Variants in GRID2 observed in about 807,000 individuals in gnomAD.
GRID2 encodes glutamate ionotropic receptor delta type subunit 2.
In GRID2, 33 loss-of-function variants were observed where a neutral mutation model predicts 114.8. The observed-to-expected ratio is 0.29, with a 90% CI of 0.22 to 0.38. GRID2 has a LOEUF of 0.38. Ranked by LOEUF, GRID2 falls within the 10% of genes least tolerant of loss-of-function variation. GRID2 has a pLI of 1.00. For missense variants in GRID2, 1,184 were observed against 1,257.7 expected (o/e 0.94, Z 0.89); for synonymous variants, 505 against 449.9 (o/e 1.12, Z -1.55).
chr4:93,355,012 A>G (rs1163128277), intron 8 of GRID2, among the ~76,000 whole-genome samples: 3 of 151,374 alleles, frequency 2.0e-5, no homozygotes, highest in Non-Finnish European at 4.4e-5. Flanking sequence ...AATCAGGACA[A>G]TTATTGTCAT....
At chr4:93,410,287 T>G (rs576275646) in intron 9 of GRID2, among the ~76,000 whole-genome samples, 2 of 152,328 alleles carry the variant, frequency 1.3e-5, no homozygotes, top group Non-Finnish European at 2.9e-5. Context: ...GCTCTGAATC[T>G]CCTTTATTCT....
chr4:93,792,983 G>A (rs1362207700), intron 1 of GRID2, among the ~76,000 whole-genome samples: 1 of 152,156 alleles, frequency 6.6e-6, no homozygotes, highest in African/African-American at 2.4e-5. Flanking sequence ...GTGAAACAAT[G>A]TACATGCAGT....
intron 4 of GRID2, among the ~76,000 whole-genome samples, chr4:93,145,059 C>T (rs1452737464): frequency 2.0e-5 from 3 of 152,134 alleles, no homozygotes; most frequent in African/African-American, 7.2e-5. Context: ...TTTTCTCTTC[C>T]CAGAATGCTT....
At chr4:93,133,111 T>G (rs540273892) in intron 4 of GRID2, among the ~76,000 whole-genome samples, 2 of 152,334 alleles carry the variant, frequency 1.3e-5, no homozygotes, top group Non-Finnish European at 2.9e-5. Context: ...TTCCATCAAC[T>G]ATAGCTTTTC....
chr4:93,712,116 A>G (rs1728539553), intron 14 of GRID2, among the ~76,000 whole-genome samples: 1 of 151,944 alleles, frequency 6.6e-6, no homozygotes, highest in Non-Finnish European at 1.5e-5. Flanking sequence ...TATTTACAAT[A>G]TTTTTTCACA....
At chr4:92,489,763 A>G (rs536311613) in intron 1 of GRID2, among the ~76,000 whole-genome samples, 1 of 151,600 alleles carries the variant, frequency 6.6e-6, no homozygotes, top group African/African-American at 2.4e-5. Context: ...GGAGAATCAC[A>G]TGAACCTGGG....
intron 2 of GRID2, among the ~76,000 whole-genome samples, chr4:92,926,157 C>T (rs2149513812): frequency 6.6e-6 from 1 of 151,820 alleles, no homozygotes; most frequent in East Asian, 1.9e-4. Flanking sequence ...TTAATTTTGC[C>T]CCTCAGGTAT....
At chr4:92,870,418 T>A (rs1361388086) in intron 2 of GRID2, among the ~76,000 whole-genome samples, 1 of 151,964 alleles carries the variant, frequency 6.6e-6, no homozygotes, top group East Asian at 1.9e-4. Context: ...TTACAGTATT[T>A]AGGTGTTTCA....
intron 9 of GRID2, among the ~76,000 whole-genome samples, chr4:93,410,462 T>G (rs573801898): frequency 3.3e-4 from 51 of 152,342 alleles, no homozygotes; most frequent in African/African-American, 1.2e-3. Flanking sequence ...ATGCATGCTT[T>G]CAGACCTTAC....
intron 2 of GRID2, among the ~76,000 whole-genome samples, chr4:92,620,902 C>A (rs1730240642): frequency 6.7e-6 from 1 of 149,896 alleles, no homozygotes; most frequent in Non-Finnish European, 1.5e-5. Context: ...TGTAACAAAC[C>A]TGCATATTGT....
chr4:93,603,791 G>C (rs1739934804), intron 13 of GRID2, among the ~76,000 whole-genome samples: 1 of 152,114 alleles, frequency 6.6e-6, no homozygotes, highest in Admixed American at 6.5e-5. Context: ...TACTCTGCCT[G>C]TGTTCTATAA....
chr4:92,472,757 T>A (rs947992620), intron 1 of GRID2, among the ~76,000 whole-genome samples: 5 of 152,142 alleles, frequency 3.3e-5, no homozygotes, highest in Non-Finnish European at 5.9e-5. Flanking sequence ...TTTGCCTGTC[T>A]TAAAATTGGG....
At chr4:92,999,858 A>C (rs1409418601) in intron 2 of GRID2, among the ~76,000 whole-genome samples, 1 of 151,640 alleles carries the variant, frequency 6.6e-6, no homozygotes, top group Non-Finnish European at 1.5e-5. Context: ...TTTTCATTAG[A>C]GATATATTTA....
intron 4 of GRID2, among the ~76,000 whole-genome samples, chr4:93,203,692 A>T (rs1742350567): frequency 6.6e-6 from 1 of 152,208 alleles, no homozygotes. Flanking sequence ...TAGTCTAACA[A>T]GTAGACCCAA....
chr4:92,739,782 T>C (rs928731818), intron 2 of GRID2, among the ~76,000 whole-genome samples: 1 of 152,188 alleles, frequency 6.6e-6, no homozygotes, highest in African/African-American at 2.4e-5. Flanking sequence ...AAAGTGTTTC[T>C]GATTCTTCCT....
chr4:93,056,929 C>G (rs558114910), intron 2 of GRID2, among the ~76,000 whole-genome samples: 1 of 151,808 alleles, frequency 6.6e-6, no homozygotes, highest in Non-Finnish European at 1.5e-5. Context: ...GTATCTGCCA[C>G]GAGGATCATT....
chr4:93,540,098 T>C (rs1368180007), intron 13 of GRID2, among the ~76,000 whole-genome samples: 1 of 151,834 alleles, frequency 6.6e-6, no homozygotes, highest in East Asian at 2.0e-4. Flanking sequence ...ATTTGTGTGA[T>C]TTTTTCCTTG....
intron 14 of GRID2, among the ~76,000 whole-genome samples, chr4:93,667,232 G>A (rs570432719): frequency 6.6e-6 from 1 of 152,114 alleles, no homozygotes; most frequent in South Asian, 2.1e-4. Context: ...ACTAGACTGG[G>A]AAACAAAAGG....
At chr4:93,224,089 C>T (rs1396964011) in intron 6 of GRID2, among the ~76,000 whole-genome samples, 1 of 152,058 alleles carries the variant, frequency 6.6e-6, no homozygotes, top group Non-Finnish European at 1.5e-5. Flanking sequence ...AGATTGTGTT[C>T]TTTCATTATT....
Sources: allele counts gnomAD v4.1 joint callset (sites outside exome capture counted in the v4.1 genomes callset), GRCh38; gene constraint gnomAD v4.1.1; transcripts MANE v1.5; gene names NCBI Gene and HGNC (gene_info 2026-07-23, HGNC 2026-07-21).